Variants in ADGRL2 observed in about 807,000 individuals in gnomAD.
ADGRL2 encodes the protein calcium-independent alpha-latrotoxin receptor 2.
ADGRL2 carries 44 observed loss-of-function variants against 157.4 expected under a neutral mutation model. The ratio of observed to expected loss-of-function variants is 0.28; its 90% CI spans 0.22 to 0.36. The LOEUF (loss-of-function observed/expected upper bound fraction) is 0.36. Among genes scored for constraint, ADGRL2 ranks in the 10% least tolerant of loss-of-function variants. ADGRL2 has a pLI of 1.00. For synonymous variants in ADGRL2, 585 were observed against 624.7 expected (o/e 0.94, Z 0.95); for missense variants, 1,510 against 1,768.9 (o/e 0.85, Z 2.63).
intron 11 of ADGRL2, among the ~76,000 whole-genome samples, chr1:81,957,672 G>A (rs1653982908): frequency 6.6e-6 from 1 of 151,920 alleles, no homozygotes; most frequent in Admixed American, 6.6e-5. Context: ...TCATGCCACT[G>A]CACTCCACCC....
At chr1:81,615,815 C>G (rs760987410) in intron 3 of ADGRL2, among the ~76,000 whole-genome samples, 1 of 152,078 alleles carries the variant, frequency 6.6e-6, no homozygotes, top group East Asian at 1.9e-4. Flanking sequence ...AAGCTAAAAC[C>G]TAGTTGGGAT....
At chr1:81,319,343 A>AT in intron 1 of ADGRL2, among the ~76,000 whole-genome samples, 1 of 152,236 alleles carries the variant, frequency 6.6e-6, no homozygotes, top group South Asian at 2.1e-4. Context: ...ATCCAACAAC[A>AT]TTTTTCCTAC....
intron 3 of ADGRL2, among the ~76,000 whole-genome samples, chr1:81,693,931 C>G (rs1356845134): frequency 2.0e-5 from 3 of 152,030 alleles, no homozygotes; most frequent in Admixed American, 2.0e-4. Context: ...TGGAGGTAAG[C>G]AGATATGTAA....
At chr1:81,895,660 G>T (rs2094370726) in intron 2 of ADGRL2, among the ~76,000 whole-genome samples, 1 of 152,018 alleles carries the variant, frequency 6.6e-6, no homozygotes, top group Non-Finnish European at 1.5e-5. Context: ...CTCCCAAAGT[G>T]CTGGGATTAC....
chr1:81,624,617 A>T (rs948193463), intron 3 of ADGRL2, among the ~76,000 whole-genome samples: 1 of 152,142 alleles, frequency 6.6e-6, no homozygotes, highest in East Asian at 1.9e-4. Flanking sequence ...AAATAGAAGT[A>T]TGAGATTGGA....
At chr1:81,800,387 G>A (rs1031196698), upstream of ADGRL2, 3 of 152,120 alleles carry the variant, frequency 2.0e-5, no homozygotes, top group Non-Finnish European at 2.9e-5. Flanking sequence ...CAGCCGGACG[G>A]AGGCAGCCGC....
intron 1 of ADGRL2, among the ~76,000 whole-genome samples, chr1:81,321,786 G>A (rs1660518472): frequency 6.7e-6 from 1 of 150,290 alleles, no homozygotes. Flanking sequence ...AATATTGTGA[G>A]AATTACCAAA....
At chr1:81,430,725 G>A (rs2077304555) in intron 1 of ADGRL2, among the ~76,000 whole-genome samples, 1 of 152,078 alleles carries the variant, frequency 6.6e-6, no homozygotes, top group African/African-American at 2.4e-5. Flanking sequence ...ATAAAATGTT[G>A]GCAGCAGTAT....
chr1:81,891,807 C>T lies in ADGRL2; in HGVS notation c.74-15210C>T, dbSNP rs565931019. Among the ~76,000 whole-genome samples, 78 of 151,926 alleles carry T rather than the reference C, an allele frequency of 5.1e-4. 1 individual carries two copies. Among genetic ancestry groups the T allele is most frequent in the African/African-American group, 1.6e-3 (65 of 41,452 alleles). ...TTTGGTGGTTTTTATTTCATGAATC[C>T]GAATTTATTGCTATTTTGAGATCAG... On this transcript the variant is annotated intron_variant, in intron 2 of 23. Coordinates refer to ENST00000686636, the MANE Select transcript of ADGRL2 (RefSeq NM_001366006.2).
intron 3 of ADGRL2, among the ~76,000 whole-genome samples, chr1:81,655,488 A>G (rs2082513608): frequency 6.6e-6 from 1 of 152,158 alleles, no homozygotes; most frequent in African/African-American, 2.4e-5. Context: ...TCCAGTTTCC[A>G]GTTCCATCTC....
At chr1:81,423,348 T>TGGCA (rs1184037429) in intron 1 of ADGRL2, among the ~76,000 whole-genome samples, 1 of 152,182 alleles carries the variant, frequency 6.6e-6, no homozygotes, top group Non-Finnish European at 1.5e-5. Flanking sequence ...TGAATGGAGC[T>TGGCA]GGCAGGCAGG....
chr1:81,327,057 G>A (rs2100667331), intron 1 of ADGRL2, among the ~76,000 whole-genome samples: 1 of 152,258 alleles, frequency 6.6e-6, no homozygotes, highest in Non-Finnish European at 1.5e-5. Context: ...AATGAAATGA[G>A]TTGTTTTTTA....
chr1:81,406,076 T>C (rs375867816), intron 1 of ADGRL2, among the ~76,000 whole-genome samples: 251 of 152,298 alleles, frequency 1.6e-3, no homozygotes, highest in African/African-American at 5.9e-3. Context: ...TTAAAGTATT[T>C]TGAATATTGC....
At chr1:81,937,463 A>G (rs1029704948) in intron 4 of ADGRL2, among the ~76,000 whole-genome samples, 14 of 151,924 alleles carry the variant, frequency 9.2e-5, no homozygotes, top group Non-Finnish European at 1.9e-4. Context: ...AAAAGTTTAT[A>G]GGTAGGCTTC....
chr1:81,990,267 T>A, intron 23 of ADGRL2, 124 bp from the exon 24 acceptor site: 1 of 1,501,282 alleles, frequency 6.7e-7, no homozygotes, highest in Non-Finnish European at 8.8e-7. Flanking sequence ...CTGGCACTTT[T>A]CAAGTGTTAG....
At chr1:81,965,689 T>C (rs1210271712) in intron 11 of ADGRL2, among the ~76,000 whole-genome samples, 2 of 152,146 alleles carry the variant, frequency 1.3e-5, no homozygotes, top group Non-Finnish European at 2.9e-5. Context: ...CCAAAAAATA[T>C]CAGTTTGAAA....
At chr1:81,341,789 A>G (rs1406374757) in intron 1 of ADGRL2, among the ~76,000 whole-genome samples, 3 of 152,194 alleles carry the variant, frequency 2.0e-5, no homozygotes, top group Non-Finnish European at 1.5e-5. Flanking sequence ...AAAGCTCATC[A>G]ACACTAATGA....
At chr1:81,717,817 G>T (rs971483936) in intron 1 of ADGRL2, among the ~76,000 whole-genome samples, 1 of 152,162 alleles carries the variant, frequency 6.6e-6, no homozygotes, top group Non-Finnish European at 1.5e-5. Flanking sequence ...ATATTTTCTT[G>T]ACTGTTTCTG....
chr1:81,846,301 GTTC>G (rs1319040833), intron 2 of ADGRL2, among the ~76,000 whole-genome samples: 2 of 146,748 alleles, frequency 1.4e-5, no homozygotes, highest in Non-Finnish European at 3.0e-5. Flanking sequence ...ATATATCAGT[GTTC>G]TTCTCTCCTT....
Sources: allele counts gnomAD v4.1 joint callset (sites outside exome capture counted in the v4.1 genomes callset), GRCh38; gene constraint gnomAD v4.1.1; transcripts MANE v1.5; gene names NCBI Gene and HGNC (gene_info 2026-07-23, HGNC 2026-07-21).